AGBL4: variants seen among roughly 807,000 people sequenced by gnomAD.
AGBL4 encodes cytosolic carboxypeptidase 6.
AGBL4 carries 58 observed loss-of-function variants against 66.4 expected under a neutral mutation model. The ratio of observed to expected loss-of-function variants is 0.87; its 90% confidence interval spans 0.71 to 1.09. The LOEUF (loss-of-function observed/expected upper bound fraction) is 1.09. Among genes scored for constraint, AGBL4 ranks in the 50% least tolerant of loss-of-function variants. AGBL4 has a pLI of 0.00. For synonymous variants in AGBL4, 234 were observed against 222.9 expected, an observed-to-expected ratio of 1.05 and a Z score of -0.44; for missense variants, 579 against 631.0, an observed-to-expected ratio of 0.92 and a Z score of 0.88.
chr1:49,067,453 C>T (rs899161448), intron 4 of AGBL4, among the ~76,000 whole-genome samples: 1 of 152,162 alleles, frequency 6.6e-6, no homozygotes, highest in Admixed American at 6.6e-5. Flanking sequence ...CTCTGCTTAG[C>T]CCACTGGCAT....
At chr1:49,703,665 C>T (rs1482600051) in intron 2 of AGBL4, among the ~76,000 whole-genome samples, 3 of 151,810 alleles carry the variant, frequency 2.0e-5, no homozygotes, top group Non-Finnish European at 4.4e-5. Context: ...CGAGATCAAG[C>T]ATGTAGGGTG....
At chr1:48,701,489 T>A (rs762515176) in intron 6 of AGBL4, among the ~76,000 whole-genome samples, 2 of 151,944 alleles carry the variant, frequency 1.3e-5, no homozygotes, top group Non-Finnish European at 2.9e-5. Context: ...TAGAGATAGA[T>A]CTCATTGTAT....
At chr1:49,219,004 T>TCAAA (rs1649292633) in intron 4 of AGBL4, among the ~76,000 whole-genome samples, 1 of 152,128 alleles carries the variant, frequency 6.6e-6, no homozygotes, top group Non-Finnish European at 1.5e-5. Flanking sequence ...AAACCTCTTT[T>TCAAA]ACTTTATAAA....
At chr1:48,725,194 A>AT (rs1647214751) in intron 6 of AGBL4, among the ~76,000 whole-genome samples, 1 of 152,210 alleles carries the variant, frequency 6.6e-6, no homozygotes, top group Non-Finnish European at 1.5e-5. Flanking sequence ...TCTTTTTAAT[A>AT]TAGGGAATAC....
chr1:49,024,648 T>A (rs1444596726), intron 5 of AGBL4, among the ~76,000 whole-genome samples: 1 of 152,212 alleles, frequency 6.6e-6, no homozygotes, highest in East Asian at 1.9e-4. Context: ...ATTATCATGT[T>A]TGACATGTAG....
chr1:49,887,112 G>A (rs1648121529), intron 1 of AGBL4, among the ~76,000 whole-genome samples: 1 of 150,432 alleles, frequency 6.6e-6, no homozygotes, highest in Non-Finnish European at 1.5e-5. Flanking sequence ...GTAAACAAGT[G>A]TAATAAAGTG....
intron 9 of AGBL4, among the ~76,000 whole-genome samples, chr1:48,595,173 T>G (rs1175238331): frequency 2.0e-5 from 3 of 152,154 alleles, no homozygotes; most frequent in African/African-American, 7.2e-5. Context: ...CTCTTATAAT[T>G]CAAGGTACAG....
intron 3 of AGBL4, among the ~76,000 whole-genome samples, chr1:49,575,390 G>C (rs908876351): frequency 1.3e-5 from 2 of 152,282 alleles, no homozygotes; most frequent in Middle Eastern, 3.4e-3. Context: ...TCCCTGACTG[G>C]TAGGGTAAGG....
intron 1 of AGBL4, among the ~76,000 whole-genome samples, chr1:49,915,446 C>T (rs191390613): frequency 6.6e-6 from 1 of 152,192 alleles, no homozygotes; most frequent in Non-Finnish European, 1.5e-5. Flanking sequence ...TATCCCGCGC[C>T]TGGCTTGGAG....
intron 3 of AGBL4, among the ~76,000 whole-genome samples, chr1:49,684,096 TATCTGGTTAGACTCTAA>T (rs1185960734): frequency 6.6e-6 from 1 of 152,206 alleles, no homozygotes; most frequent in Non-Finnish European, 1.5e-5. Flanking sequence ...TCTGACAGTT[TATCTGGTTAGACTCTAA>T]AGCTTTTCCC....
chr1:50,001,210 T>A (rs1660727524), intron 1 of AGBL4, among the ~76,000 whole-genome samples: 1 of 150,758 alleles, frequency 6.6e-6, no homozygotes, highest in South Asian at 2.1e-4. Flanking sequence ...TATAAAATAT[T>A]TCAATATATC....
chr1:49,139,962 C>T (rs1156322274), intron 4 of AGBL4, among the ~76,000 whole-genome samples: 1 of 152,006 alleles, frequency 6.6e-6, no homozygotes, highest in Non-Finnish European at 1.5e-5. Context: ...TTTTTCATAT[C>T]CACATACTAC....
chr1:48,966,372 C>T (rs144433493), intron 5 of AGBL4, among the ~76,000 whole-genome samples: 3 of 152,202 alleles, frequency 2.0e-5, no homozygotes, highest in Non-Finnish European at 4.4e-5. Flanking sequence ...TGTAGTTCTG[C>T]TAATGAAGTC....
chr1:49,775,816 G>A (rs1326673025), intron 2 of AGBL4, among the ~76,000 whole-genome samples: 3 of 151,952 alleles, frequency 2.0e-5, no homozygotes, highest in Non-Finnish European at 2.9e-5. Context: ...ATAATATACA[G>A]AATATTACCA....
chr1:48,829,336 C>T (rs1189049877), intron 6 of AGBL4, among the ~76,000 whole-genome samples: 4 of 152,176 alleles, frequency 2.6e-5, no homozygotes, highest in Non-Finnish European at 2.9e-5. Flanking sequence ...CAGCCTATGC[C>T]GTTGGCCACA....
chr1:48,779,743 C>T (rs184791626), intron 6 of AGBL4, among the ~76,000 whole-genome samples: 21 of 134,950 alleles, frequency 1.6e-4, no homozygotes, highest in African/African-American at 5.8e-4. Context: ...GACGGAGTTT[C>T]GCTCTTGTTG....
At chr1:49,627,723 A>C (rs1301484271) in intron 3 of AGBL4, among the ~76,000 whole-genome samples, 1 of 152,174 alleles carries the variant, frequency 6.6e-6, no homozygotes, top group African/African-American at 2.4e-5. Context: ...TGACCTATCC[A>C]TAAACCAAGC....
At chr1:49,692,358 A>AT in intron 3 of AGBL4, among the ~76,000 whole-genome samples, 1 of 152,196 alleles carries the variant, frequency 6.6e-6, no homozygotes, top group South Asian at 2.1e-4. Flanking sequence ...GCCTTTGTGG[A>AT]CTGCTGATTT....
chr1:49,348,246 GTC>G (rs1215818978), intron 3 of AGBL4, among the ~76,000 whole-genome samples: 2 of 151,876 alleles, frequency 1.3e-5, no homozygotes, highest in Non-Finnish European at 2.9e-5. Flanking sequence ...GTGAACCCCT[GTC>G]TCTACTAAAA....
Sources: gnomAD v4.1 joint callset for allele counts (sites outside exome capture counted in the v4.1 genomes callset) on GRCh38, gnomAD v4.1.1 for gene constraint, MANE v1.5 for transcripts, NCBI Gene and HGNC (gene_info 2026-07-23, HGNC 2026-07-21) for gene names.